OTOGL: variants seen among roughly 807,000 people sequenced by gnomAD.
The protein encoded by OTOGL is otogelin like.
A neutral mutation model predicts 318.5 loss-of-function variants in OTOGL; 285 were observed. The observed-to-expected ratio is 0.89, with a 90% CI of 0.81 to 0.99. The LOEUF (loss-of-function observed/expected upper bound fraction) is 0.99, where lower values mean the gene tolerates loss of function less well. OTOGL is among the 50% of genes least tolerant of loss of function. The pLI, the probability that OTOGL is intolerant of heterozygous loss-of-function variation, is 0.00. For synonymous variants in OTOGL, 987 were observed against 936.5 expected (o/e 1.05, Z -0.99); for missense variants, 2,899 against 2,845.6 (o/e 1.02, Z -0.43).
rs1302087984 is a variant in OTOGL at position 80,247,374 on chromosome 12, C to T, written c.1053-4319C>T. On this transcript the variant is annotated intron_variant, in intron 11 of 58. Coordinates refer to ENST00000547103, the MANE Select transcript of OTOGL (RefSeq NM_001378609.3). Reference sequence around the variant, plus strand: ...TTCTGGTATGTTGTGTCTTTGTTCTCGTTGGTTTCAAAGAACATCTTTATT... The same window carrying T: ...TTCTGGTATGTTGTGTCTTTGTTCTTGTTGGTTTCAAAGAACATCTTTATT... Among the ~76,000 whole-genome samples the T allele has an allele frequency of 6.9e-5, 9 of 131,376 alleles. No homozygotes were observed. In the East Asian group the frequency reaches 8.7e-4, roughly 13 times the overall value. The allele number at this position is 131,376 out of a possible 152,430, so 86.2% of individuals were successfully genotyped here.
chr12:80,149,379 C>T (rs1396574228), intron 1 of OTOGL, among the ~76,000 whole-genome samples: 1 of 151,586 alleles, frequency 6.6e-6, no homozygotes, highest in Non-Finnish European at 1.5e-5. Context: ...GGTCGGGGGC[C>T]AGGGGTCAGG....
chr12:80,197,136 T>A (rs915657493), intron 1 of OTOGL, among the ~76,000 whole-genome samples: 11 of 152,150 alleles, frequency 7.2e-5, no homozygotes, highest in African/African-American at 2.7e-4. Context: ...ATCAGAAAAA[T>A]TTTAAATCTA....
chr12:80,118,524 A>T lies in OTOGL; in HGVS notation c.-20+18919A>T, dbSNP rs976234418. Among the ~76,000 whole-genome samples, 12 of 152,322 alleles carry T rather than the reference A, an allele frequency of 7.9e-5. No homozygotes were observed. The East Asian group carries it at 2.3e-3, about 29-fold the overall frequency. ...TACTTGTAAATGAGCTCTAAATTCA[A>T]TATACTTACAAAATGTAGTAAACAA... On this transcript the variant is annotated intron_variant, in intron 1 of 58. Coordinates refer to ENST00000547103, the MANE Select transcript of OTOGL (RefSeq NM_001378609.3).
At chr12:80,111,157 T>C (rs1869815641) in intron 1 of OTOGL, among the ~76,000 whole-genome samples, 1 of 152,336 alleles carries the variant, frequency 6.6e-6, no homozygotes, top group South Asian at 2.1e-4. Flanking sequence ...TATTAGACTT[T>C]TGTCAGATGG....
intron 4 of OTOGL, among the ~76,000 whole-genome samples, chr12:80,213,335 T>A (rs993412581): frequency 6.6e-6 from 1 of 152,234 alleles, no homozygotes; most frequent in Non-Finnish European, 1.5e-5. Context: ...AACCAGAGGT[T>A]ACTTTCATTG....
intron 24 of OTOGL, among the ~76,000 whole-genome samples, chr12:80,276,296 A>G (rs1318254603): frequency 6.6e-6 from 1 of 151,830 alleles, no homozygotes; most frequent in African/African-American, 2.4e-5. Flanking sequence ...CATTTATTAG[A>G]TAATAATAGA....
chr12:80,365,571 A>C (rs921417), intron 52 of OTOGL, among the ~76,000 whole-genome samples: 143,381 of 152,178 alleles, frequency 0.94, 67,619 homozygotes, highest in East Asian at 1. Context: ...TTTTTAAAGT[A>C]TTTGGAGTAG....
At chr12:80,249,418 C>G (rs1035428800) in intron 11 of OTOGL, among the ~76,000 whole-genome samples, 22 of 151,170 alleles carry the variant, frequency 1.5e-4, no homozygotes, top group South Asian at 4.2e-4. Flanking sequence ...GTTGGAATAC[C>G]CTGCCGTGTG....
intron 1 of OTOGL, among the ~76,000 whole-genome samples, chr12:80,149,198 G>A (rs1872606416): frequency 6.6e-6 from 1 of 152,158 alleles, no homozygotes; most frequent in Non-Finnish European, 1.5e-5. Flanking sequence ...TCTACTTTTG[G>A]TCTTTGGTAA....
chr12:80,329,501 A>C (rs1365448099), intron 37 of OTOGL, among the ~76,000 whole-genome samples: 1 of 152,218 alleles, frequency 6.6e-6, no homozygotes, highest in East Asian at 1.9e-4. Context: ...GGTTTGATTA[A>C]ATCCCACTTA....
At position 80,333,022 on chromosome 12, in the gene OTOGL, C is replaced by A. The variant is rs1365088535; in HGVS notation, c.4366C>A (p.Pro1456Thr). 6.3e-7 allele frequency: 1 copy of A among 1,598,324 alleles called. No homozygotes were observed. The highest frequency in any genetic ancestry group is 1.1e-5 in the South Asian group (1 of 88,140). ...TCTGACAGTTTGGGAAATGATTACT[C>A]CATCAGACATCACTGTGTTTGATAT... ...PMFTVWEMITPSDITVFDMLT... is the reference protein window; with the variant it reads ...PMFTVWEMITTSDITVFDMLT... Residue 1456 changes from proline to threonine, a missense_variant, in exon 38 of 59, where the codon CCA (proline) becomes ACA (threonine). Around this residue, in one of 3 missense-constraint regions of OTOGL, gnomAD observed 2,607 missense variants for 2,524.9 expected, o/e 1.03. Transcript: ENST00000547103.
chr12:80,154,318 G>T (rs1194389319), intron 1 of OTOGL, among the ~76,000 whole-genome samples: 4 of 150,714 alleles, frequency 2.7e-5, no homozygotes, highest in Admixed American at 6.6e-5. Context: ...AAAAGGGGGG[G>T]AAAAAGAAAG....
At chr12:80,266,690 T>C (rs570607010) in intron 21 of OTOGL, 74 bp downstream of exon 21, 1 of 1,378,616 alleles carries the variant, frequency 7.3e-7, no homozygotes, top group South Asian at 1.5e-5. Flanking sequence ...TGAGCTTTCA[T>C]GGAAGTTTTT....
chr12:80,181,491 A>C (rs1253426833), intron 1 of OTOGL, among the ~76,000 whole-genome samples: 1 of 152,064 alleles, frequency 6.6e-6, no homozygotes, highest in Non-Finnish European at 1.5e-5. Context: ...AATCATTGTC[A>C]TCAGGATTAG....
At chr12:80,263,591 T>G (rs2137551770) in intron 19 of OTOGL, among the ~76,000 whole-genome samples, 1 of 152,266 alleles carries the variant, frequency 6.6e-6, no homozygotes, top group South Asian at 2.1e-4. Flanking sequence ...ACTACCCACA[T>G]TAATTTCCCC....
At chr12:80,366,071 T>A (rs192114515) in intron 52 of OTOGL, among the ~76,000 whole-genome samples, 3 of 152,194 alleles carry the variant, frequency 2.0e-5, no homozygotes, top group African/African-American at 7.2e-5. Flanking sequence ...CTCTCAACAA[T>A]CCTAAGAGGC....
At chr12:80,304,336 A>T (rs1885967668) in intron 28 of OTOGL, among the ~76,000 whole-genome samples, 1 of 152,124 alleles carries the variant, frequency 6.6e-6, no homozygotes, top group African/African-American at 2.4e-5. Flanking sequence ...AATATTTAAA[A>T]TTTGATTATT....
intron 1 of OTOGL, among the ~76,000 whole-genome samples, chr12:80,109,961 G>A (rs946895628): frequency 6.6e-6 from 1 of 151,694 alleles, no homozygotes; most frequent in Admixed American, 6.6e-5. Flanking sequence ...TAAGTTCTGG[G>A]ATACATGTGC....
chr12:80,306,237 G>C (rs1326669950), intron 29 of OTOGL, among the ~76,000 whole-genome samples: 1 of 152,116 alleles, frequency 6.6e-6, no homozygotes, highest in Non-Finnish European at 1.5e-5. Flanking sequence ...AAGGTTTCTT[G>C]AGGCATTATA....
Sources: gnomAD v4.1 joint callset for allele counts (sites outside exome capture counted in the v4.1 genomes callset) on GRCh38, gnomAD v4.1.1 for gene constraint, gnomAD v4.1.1 regional missense constraint, MANE v1.5 for transcripts, NCBI Gene and HGNC (gene_info 2026-07-23, HGNC 2026-07-21) for gene names.